The following EEF1G variants were observed in gnomAD, a reference collection of about 807,000 sequenced individuals.
EEF1G encodes the protein eukaryotic translation elongation factor 1 gamma, also known as elongation factor 1-gamma.
A neutral mutation model predicts 58.3 loss-of-function variants in EEF1G; 14 were observed. The ratio of observed to expected loss-of-function variants is 0.24; its 90% confidence interval spans 0.16 to 0.38. The LOEUF is 0.38. EEF1G is among the 10% of genes least tolerant of loss of function. The pLI, the probability that EEF1G is intolerant of heterozygous loss-of-function variation, is 1.00. For missense variants in EEF1G, 322 were observed against 550.1 expected, an observed-to-expected ratio of 0.59 and a Z score of 4.15; for synonymous variants, 180 against 206.8, an observed-to-expected ratio of 0.87 and a Z score of 1.11.
Position 62,573,852 on chromosome 11 carries a change from G to C in EEF1G, c.-10C>G. The C allele has an allele frequency of 6.2e-7, 1 of 1,613,688 alleles. No individual in the cohort carries two copies. ...TTACCCCAGCCGCCATGGTGATTCC[G>C]CAAAGAAAGGGGGTGGGGTTCTCGG... On this transcript the variant is annotated 5_prime_UTR_variant, in exon 1 of 10. Coordinates refer to ENST00000329251, the MANE Select transcript of EEF1G (RefSeq NM_001404.5).
At chr11:62,564,024 T>A (rs972919451) in intron 7 of EEF1G, among the ~76,000 whole-genome samples, 1 of 152,244 alleles carries the variant, frequency 6.6e-6, no homozygotes, top group Non-Finnish European at 1.5e-5. Flanking sequence ...AGCCTCAACC[T>A]GCTGGACTCA....
At position 62,572,659 on chromosome 11, in the gene EEF1G, G is replaced by A. The variant is rs11549616; in HGVS notation, c.96C>T (p.Leu32=). The part of the protein sequence containing the change: ...AQYSGAQVRV[L]SAPPHFHFGQ... ...CAAAATGGAAGTGGGGTGGTGCGGA[G>A]AGCACGCGGACCTGAGCCCCGCTGT... The change falls in exon 2 of 10, where the codon CTC becomes CTT. Residue 32 remains leucine, a synonymous_variant. Coordinates refer to ENST00000329251, the MANE Select transcript of EEF1G (RefSeq NM_001404.5). 1.2e-6 allele frequency: 2 copies of A among 1,612,750 alleles called. No homozygotes were observed. The highest frequency in any genetic ancestry group is 1.3e-5 in the African/African-American group (1 of 74,886).
intron 7 of EEF1G, 106 bp downstream of exon 7, chr11:62,566,700 T>G: frequency 9.3e-7 from 1 of 1,080,262 alleles, no homozygotes. Flanking sequence ...TTTAACTTTA[T>G]ATGGACAACC....
intron 1 of EEF1G, 149 bp from the exon 2 acceptor site, chr11:62,572,891 T>C (rs910055640): frequency 2.4e-5 from 15 of 638,038 alleles, no homozygotes; most frequent in Middle Eastern, 4.4e-4. Context: ...GTACTTGTCA[T>C]ATGTAATCAG....
At chr11:62,564,653 T>C (rs1941534692) in intron 7 of EEF1G, among the ~76,000 whole-genome samples, 1 of 144,008 alleles carries the variant, frequency 6.9e-6, no homozygotes, top group South Asian at 2.2e-4. Context: ...TCCCAGCTAC[T>C]CAAGAGGCTG....
At chr11:62,571,334 A>G (rs1941628312) in intron 4 of EEF1G, among the ~76,000 whole-genome samples, 1 of 152,192 alleles carries the variant, frequency 6.6e-6, no homozygotes, top group South Asian at 2.1e-4. Context: ...ATCTCTTCAC[A>G]GCAGCAATCC....
chr11:62,564,068 T>C (rs925019813), intron 7 of EEF1G, among the ~76,000 whole-genome samples: 5 of 152,228 alleles, frequency 3.3e-5, no homozygotes, highest in Admixed American at 6.5e-5. Context: ...CCAAGTAGTA[T>C]GAGCCACTGC....
At chr11:62,571,325 T>C (rs926645644) in intron 4 of EEF1G, among the ~76,000 whole-genome samples, 8 of 152,204 alleles carry the variant, frequency 5.3e-5, no homozygotes, top group Non-Finnish European at 8.8e-5. Context: ...TTTGGTATAA[T>C]CTCTTCACAG....
rs752473849 is a variant in EEF1G, at chr11:62,571,855, T to C, written c.218A>G (p.Asn73Ser). The change falls in exon 3 of 10, where the codon AAC becomes AGC. Residue 73 changes from asparagine to serine, a missense_variant. Physicochemically the swap from Asn to Ser is conservative, Grantham distance 46. Coordinates refer to ENST00000329251, the MANE Select transcript of EEF1G (RefSeq NM_001404.5). The stretch of plus-strand genomic sequence containing the variant: ...CAAATTACCATAGTAGGCAATGGCG[T>C]TGCTCTCAAACACACAGAATCCATC... ...GDDGFCVFES[N>S]AIAYYVSNEE... The C allele has an allele frequency of 1.3e-6, 2 of 1,589,596 alleles. No individual in the cohort carries two copies. Among genetic ancestry groups the C allele is most frequent in the South Asian group, 1.2e-5 (1 of 86,718 alleles).
chr11:62,564,697 T>C (rs1049478684), intron 7 of EEF1G, among the ~76,000 whole-genome samples: 3 of 135,426 alleles, frequency 2.2e-5, no homozygotes, highest in Admixed American at 8.6e-5. Context: ...AGGTGGAGGT[T>C]GCAGTGAGCC....
chr11:62,565,822 T>A (rs1363215064), intron 7 of EEF1G, among the ~76,000 whole-genome samples: 2 of 152,208 alleles, frequency 1.3e-5, no homozygotes, highest in Non-Finnish European at 2.9e-5. Flanking sequence ...GTTGCTCCCA[T>A]CTATTAGTGC....
rs781379507 is a variant in EEF1G, at chr11:62,571,909, C to A, written c.172-8G>T. On this transcript the variant is annotated splice_region_variant and splice_polypyrimidine_tract_variant and intron_variant, in intron 2 of 9. Transcript: ENST00000329251. ...ACCCTCAAATGCTGGGACCTGGGGA[C>A]AAAGCAGTGAAAAGATAAGGTAAAA... 87 of 1,570,668 alleles carry A rather than the reference C, an allele frequency of 5.5e-5. No homozygotes were observed. The highest frequency in any genetic ancestry group is 7.4e-5 in the Non-Finnish European group (86 of 1,157,742).
chr11:62,567,810 T>A (rs994013587), intron 5 of EEF1G, among the ~76,000 whole-genome samples: 1 of 151,804 alleles, frequency 6.6e-6, no homozygotes, highest in South Asian at 2.1e-4. Flanking sequence ...GTTCAAGTGA[T>A]TCTCGTGCCT....
At chr11:62,560,225 G>A (rs748653033) in intron 8 of EEF1G, 32 bp from the exon 9 acceptor site, 1 of 1,613,996 alleles carries the variant, frequency 6.2e-7, no homozygotes, top group Admixed American at 1.7e-5. Flanking sequence ...TTCAGCCTTT[G>A]GAATCACAGC....
At chr11:62,570,234 G>C (rs966218328) in intron 5 of EEF1G, among the ~76,000 whole-genome samples, 2 of 151,706 alleles carry the variant, frequency 1.3e-5, no homozygotes, top group African/African-American at 2.4e-5. Flanking sequence ...GCTAATTTTC[G>C]TATTTTTAAT....
At position 62,559,616 on chromosome 11, in the gene EEF1G, C is replaced by G; in HGVS notation, c.*63G>C. The G allele has an allele frequency of 2.5e-6, 4 of 1,587,402 alleles. No individual in the cohort carries two copies. Among genetic ancestry groups the G allele is most frequent in the Non-Finnish European group, 3.4e-6 (4 of 1,160,620 alleles). The stretch of plus-strand genomic sequence containing the variant: ...CAGGAAAGGGTTCAATGTTCAGTTT[C>G]CTTTAATGACCCCCATCTCCCTGAA... On this transcript the variant is annotated 3_prime_UTR_variant, in exon 10 of 10. Transcript: ENST00000329251.
chr11:62,573,853 C>T lies in EEF1G; in HGVS notation c.-11G>A, dbSNP rs1941668209. On this transcript the variant is annotated 5_prime_UTR_variant, in exon 1 of 10. Transcript: ENST00000329251. ...TACCCCAGCCGCCATGGTGATTCCG[C>T]AAAGAAAGGGGGTGGGGTTCTCGGC... 5 of 1,613,578 alleles carry T rather than the reference C, an allele frequency of 3.1e-6. No individual in the cohort carries two copies. The highest frequency in any genetic ancestry group is 4.2e-6 in the Non-Finnish European group (5 of 1,179,856).
At chr11:62,567,668 A>C in intron 5 of EEF1G, 140 bp from the exon 6 acceptor site, 2 of 770,780 alleles carry the variant, frequency 2.6e-6, no homozygotes, top group Non-Finnish European at 1.9e-6. Context: ...ATACAACATC[A>C]TCCTTCCCTG....
At chr11:62,573,706 A>C (rs564307068) in intron 1 of EEF1G, 125 bp downstream of exon 1, 1 of 1,361,558 alleles carries the variant, frequency 7.3e-7, no homozygotes, top group East Asian at 2.4e-5. Flanking sequence ...CCAGCAGTAC[A>C]GTCTGTAGAC....
Sources: gnomAD v4.1 joint callset for allele counts (sites outside exome capture counted in the v4.1 genomes callset) on GRCh38, gnomAD v4.1.1 for gene constraint, MANE v1.5 for transcripts, NCBI Gene and HGNC (gene_info 2026-07-23, HGNC 2026-07-21) for gene names.